NBAS: variants seen among roughly 807,000 people sequenced by gnomAD.
The protein encoded by NBAS is NAG/BC035112 fusion.
NBAS carries 219 observed loss-of-function variants against 302.5 expected under a neutral mutation model. The ratio of observed to expected loss-of-function variants is 0.72; its 90% CI spans 0.65 to 0.81. The LOEUF (loss-of-function observed/expected upper bound fraction) is 0.81. Ranked by LOEUF, NBAS falls within the 30% of genes least tolerant of loss-of-function variation. NBAS has a pLI of 0.00. For synonymous variants in NBAS, 1,118 were observed against 1,021.6 expected, an observed-to-expected ratio of 1.09 and a Z score of -1.80; for missense variants, 2,932 against 2,841.6, an observed-to-expected ratio of 1.03 and a Z score of -0.72.
the NBAS span, among the ~76,000 whole-genome samples, chr2:14,964,515 TTAA>T: frequency 6.6e-6 from 1 of 152,128 alleles, no homozygotes; most frequent in Non-Finnish European, 1.5e-5. Context: ...GTTTATACAC[TTAA>T]TAATAAATAA....
intron 36 of NBAS, among the ~76,000 whole-genome samples, chr2:15,329,858 A>T (rs1672242140): frequency 6.6e-6 from 1 of 152,026 alleles, no homozygotes; most frequent in South Asian, 2.1e-4. Flanking sequence ...GTATTTACCC[A>T]CCTTGCTTAT....
At chr2:15,534,143 T>C (rs11892720) in intron 9 of NBAS, among the ~76,000 whole-genome samples, 77,091 of 152,068 alleles carry the variant, frequency 0.51, 22,947 homozygotes, top group Non-Finnish European at 0.67. Context: ...GCAACATCAG[T>C]GCAGCGGTAA....
chr2:15,086,369 C>T, the NBAS span, among the ~76,000 whole-genome samples: 5 of 152,320 alleles, frequency 3.3e-5, no homozygotes, highest in Admixed American at 6.5e-5. Flanking sequence ...CTCAATAAAG[C>T]TCCTTTTCCT....
chr2:15,063,533 C>T, the NBAS span, among the ~76,000 whole-genome samples: 20 of 152,052 alleles, frequency 1.3e-4, no homozygotes, highest in East Asian at 7.7e-4. Context: ...AATTGTTTCC[C>T]CTTTCCCAAA....
At chr2:15,226,458 T>C (rs1667155315) in intron 47 of NBAS, among the ~76,000 whole-genome samples, 1 of 152,244 alleles carries the variant, frequency 6.6e-6, no homozygotes, top group Non-Finnish European at 1.5e-5. Context: ...TATTTTCTTC[T>C]TGAAATATGA....
chr2:15,533,303 C>A (rs2148678453), intron 9 of NBAS, among the ~76,000 whole-genome samples: 1 of 152,166 alleles, frequency 6.6e-6, no homozygotes, highest in Non-Finnish European at 1.5e-5. Context: ...ACATATATAT[C>A]AGAAGAATGC....
the NBAS span, among the ~76,000 whole-genome samples, chr2:14,786,278 G>C: frequency 6.6e-6 from 1 of 151,936 alleles, no homozygotes; most frequent in South Asian, 2.1e-4. Context: ...ACCAGCTCCT[G>C]GATTCATTGA....
the NBAS span, among the ~76,000 whole-genome samples, chr2:14,845,188 C>T: frequency 3.5e-4 from 53 of 152,290 alleles, no homozygotes; most frequent in African/African-American, 1.2e-3. Context: ...ACCCCCAGTT[C>T]CAGGCGGCTC....
chr2:15,554,228 C>T (rs1290784531), intron 3 of NBAS, 90 bp from the exon 4 acceptor site: 1 of 1,088,782 alleles, frequency 9.2e-7, no homozygotes, highest in African/African-American at 1.6e-5. Flanking sequence ...TAGAGAGAGA[C>T]ACAGATTTTT....
chr2:15,193,615 G>T (rs546368184), intron 48 of NBAS, among the ~76,000 whole-genome samples: 1 of 151,908 alleles, frequency 6.6e-6, no homozygotes, highest in East Asian at 1.9e-4. Flanking sequence ...GGTGAATTTT[G>T]AATTTTTGAG....
chr2:15,170,882 C>G (rs1427314222), intron 51 of NBAS, among the ~76,000 whole-genome samples: 3 of 152,166 alleles, frequency 2.0e-5, no homozygotes, highest in African/African-American at 4.8e-5. Flanking sequence ...ATCAGGGCAC[C>G]AAGGCCAGAC....
the NBAS span, among the ~76,000 whole-genome samples, chr2:14,862,408 C>T: frequency 3.9e-5 from 6 of 152,204 alleles, no homozygotes; most frequent in South Asian, 1.0e-3. Flanking sequence ...TAAGCCACTG[C>T]GCCCGGCCTA....
the NBAS span, among the ~76,000 whole-genome samples, chr2:14,787,111 A>G: frequency 6.6e-6 from 1 of 152,184 alleles, no homozygotes; most frequent in South Asian, 2.1e-4. Flanking sequence ...TTGTTGGTTT[A>G]AAGTCTGTTT....
chr2:15,272,236 C>A (rs971280573), intron 44 of NBAS, among the ~76,000 whole-genome samples: 2 of 152,094 alleles, frequency 1.3e-5, no homozygotes, highest in African/African-American at 4.8e-5. Flanking sequence ...GTTATGCACT[C>A]GAGAATTAGC....
At chr2:15,346,337 G>T (rs1673087804) in intron 35 of NBAS, among the ~76,000 whole-genome samples, 2 of 151,884 alleles carry the variant, frequency 1.3e-5, no homozygotes, top group Admixed American at 1.3e-4. Flanking sequence ...TCAAAAAGTG[G>T]GCAAAGGGTA....
chr2:15,423,424 A>G (rs533675812), intron 23 of NBAS, among the ~76,000 whole-genome samples: 2 of 152,306 alleles, frequency 1.3e-5, no homozygotes, highest in African/African-American at 2.4e-5. Context: ...CAAGAAATCT[A>G]TCATGTGGAA....
the NBAS span, among the ~76,000 whole-genome samples, chr2:14,935,936 C>T: frequency 2.6e-5 from 4 of 152,320 alleles, no homozygotes; most frequent in East Asian, 1.9e-4. Flanking sequence ...CAGAGTATGG[C>T]ACCAAGCAGG....
chr2:15,366,664 T>C lies in NBAS; in HGVS notation c.3733A>G (p.Ile1245Val), dbSNP rs1674220640. Residue 1245 changes from isoleucine (I) to valine (V), a missense_variant, in exon 32 of 52, where the codon ATC becomes GTC. Physicochemically the swap from Ile to Val is conservative, Grantham distance 29. Coordinates refer to ENST00000281513, the MANE Select transcript of NBAS (RefSeq NM_015909.4). ...GGGGACTGGGAAATACACTCCTTGA[T>C]GAGACTGATCCGATCAGGGCACAAT... is the stretch of plus-strand genomic sequence containing the variant. Reference protein sequence around the residue: ...VRLCPDRISLIKECISQSPTC... With the variant: ...VRLCPDRISLVKECISQSPTC... The C allele has an allele frequency of 6.2e-7, 1 of 1,614,062 alleles. No individual in the cohort carries two copies. Among genetic ancestry groups the C allele is most frequent in the East Asian group, 2.2e-5 (1 of 44,850 alleles).
At chr2:14,939,487 G>T in the NBAS span, among the ~76,000 whole-genome samples, 2 of 152,322 alleles carry the variant, frequency 1.3e-5, no homozygotes, top group East Asian at 3.9e-4. Context: ...CTGACTCCAG[G>T]TTCCTTGTTT....
Sources: gnomAD v4.1 joint callset for allele counts (sites outside exome capture counted in the v4.1 genomes callset) on GRCh38, gnomAD v4.1.1 for gene constraint, MANE v1.5 for transcripts, NCBI Gene and HGNC (gene_info 2026-07-23, HGNC 2026-07-21) for gene names.